Variants in ZNF251 observed in about 807,000 individuals in gnomAD.
ZNF251 encodes the protein zinc finger protein 251.
A neutral mutation model predicts 13.5 loss-of-function variants in ZNF251; 14 were observed. That is an observed-to-expected ratio of 1.04 (90% CI 0.69 to 1.63). The LOEUF is 1.63. ZNF251 is among the 40% of genes most tolerant of loss of function. The pLI is 0.00. For synonymous variants in ZNF251, 287 were observed against 295.2 expected, an observed-to-expected ratio of 0.97 and a Z score of 0.28; for missense variants, 764 against 834.9, an observed-to-expected ratio of 0.92 and a Z score of 1.05.
In ZNF251 at chr8:144,722,809, C is replaced by T. The variant is rs368556935; in HGVS notation, c.851G>A (p.Arg284Gln). The change falls in exon 5 of 5, where the codon CGG becomes CAG. Residue 284 changes from arginine (R) to glutamine (Q), a missense_variant. Arg to Gln is a conservative substitution (Grantham distance 43). Coordinates refer to ENST00000292562, the MANE Select transcript of ZNF251 (RefSeq NM_138367.2). The surrounding 1 kb of genome is among the most constrained non-coding windows in gnomAD (Gnocchi z 4.8). ...GGGTTTTTCTCCAGTGTGAATTCTCCGATGAAGACGGAGGTGAGAATTGAG... is the reference window on the plus strand; with the variant it reads ...GGGTTTTTCTCCAGTGTGAATTCTCTGATGAAGACGGAGGTGAGAATTGAG... ...FGLNSHLRLH[R>Q]RIHTGEKPFG... 22 of 1,613,896 alleles carry T rather than the reference C, an allele frequency of 1.4e-5. No individual in the cohort carries two copies. The highest frequency in any genetic ancestry group is 8.3e-5 in the Admixed American group (5 of 59,996).
Position 144,722,634 on chromosome 8 carries a change from A to C in ZNF251, c.1026T>G (p.Ile342Met). 2 of 1,614,178 alleles carry C rather than the reference A, an allele frequency of 1.2e-6. No individual in the cohort carries two copies. The highest frequency in any genetic ancestry group is 2.2e-5 in the South Asian group (2 of 91,084). ...QSPQLTQHQR[I>M]HTGEKPHECS... is the part of the protein sequence containing the mutation. The stretch of plus-strand genomic sequence containing the variant: ...ATTCATGCGGCTTCTCTCCAGTGTG[A>C]ATTCTCTGATGCTGAGTTAACTGGG... Residue 342 changes from isoleucine (I) to methionine (M), a missense_variant, in exon 5 of 5, where the codon ATT (isoleucine) becomes ATG (methionine). By Grantham distance (10) the Ile-to-Met change is conservative. Coordinates refer to ENST00000292562, the MANE Select transcript of ZNF251 (RefSeq NM_138367.2). This position sits in a 1 kb window ranked among gnomAD's most constrained non-coding sequence, Gnocchi z 4.8.
At position 144,722,554 on chromosome 8, in the gene ZNF251, C is replaced by G. The variant is rs1411122997; in HGVS notation, c.1106G>C (p.Arg369Thr). The G allele has an allele frequency of 6.2e-7, 1 of 1,613,942 alleles. No individual in the cohort carries two copies. The highest frequency in any genetic ancestry group is 1.3e-5 in the African/African-American group (1 of 74,882). Residue 369 changes from arginine to threonine, a missense_variant, in exon 5 of 5, where the codon AGA (arginine) becomes ACA (threonine). Arg to Thr is a moderately conservative substitution (Grantham distance 71). Coordinates refer to ENST00000292562, the MANE Select transcript of ZNF251 (RefSeq NM_138367.2). This position sits in a 1 kb window ranked among gnomAD's most constrained non-coding sequence, Gnocchi z 4.8. Reference sequence around the variant, plus strand: ...ATGGGGCTTCTCTCCAGTGTGAATTCTCTCATGCTGAATAAGGCTGGAGCT... The same window carrying G: ...ATGGGGCTTCTCTCCAGTGTGAATTGTCTCATGCTGAATAAGGCTGGAGCT... ...SRSSSLIQHE[R>T]IHTGEKPHKC... is the part of the protein sequence containing the mutation.
At chr8:144,745,245 G>A (rs1335274272) in intron 4 of ZNF251, among the ~76,000 whole-genome samples, 1 of 100,040 alleles carries the variant, frequency 1.0e-5, no homozygotes, top group Non-Finnish European at 2.0e-5. Flanking sequence ...ACCATTTCTT[G>A]AAAAGATCAT....
rs137887095 is a variant in ZNF251, at chr8:144,732,477, G to A, written c.278-9095C>T. ...TCTAGATAATTCAAAACCTATGCAC[G>A]ATTGACAGGTCATGGTAAAAAGACG... On this transcript the variant is annotated intron_variant, in intron 4 of 4. Transcript: ENST00000292562. 2.4e-3 allele frequency among the ~76,000 whole-genome samples: 362 copies of A among 152,258 alleles called. 2 individuals are homozygous for A. The highest frequency in any genetic ancestry group is 7.8e-3 in the African/African-American group (326 of 41,558).
At chr8:144,725,415 C>A (rs115072794) in intron 4 of ZNF251, among the ~76,000 whole-genome samples, 1 of 152,010 alleles carries the variant, frequency 6.6e-6, no homozygotes, top group African/African-American at 2.4e-5. Flanking sequence ...TTCAGGCTCC[C>A]GAGTAGCTGG....
chr8:144,725,979 T>C (rs1459414323), intron 4 of ZNF251, among the ~76,000 whole-genome samples: 1 of 151,840 alleles, frequency 6.6e-6, no homozygotes, highest in African/African-American at 2.4e-5. Flanking sequence ...GGTGGATCAC[T>C]TGAGGCCAGG....
Position 144,740,065 on chromosome 8 carries a change from C to G in ZNF251, c.277+13618G>C, listed in dbSNP as rs556618165. Among the ~76,000 whole-genome samples the G allele has an allele frequency of 2.3e-3, 349 of 151,928 alleles. 3 individuals carry two copies. Among genetic ancestry groups the G allele is most frequent in the African/African-American group, 7.9e-3 (329 of 41,410 alleles). ...CTTTGGGAGGCCGAGGCGGGCAGATCACCTGAGGTCCGGAGTTCGAGACCA... is the reference window on the plus strand; with the variant it reads ...CTTTGGGAGGCCGAGGCGGGCAGATGACCTGAGGTCCGGAGTTCGAGACCA... On this transcript the variant is annotated intron_variant, in intron 4 of 4. Transcript: ENST00000292562.
chr8:144,746,104 G>A (rs1221172763), intron 4 of ZNF251, among the ~76,000 whole-genome samples: 2 of 152,198 alleles, frequency 1.3e-5, no homozygotes, highest in Admixed American at 6.5e-5. Context: ...TTCGTTGCCA[G>A]TATAAAGGAA....
chr8:144,726,302 G>C (rs763201951), intron 4 of ZNF251, among the ~76,000 whole-genome samples: 1 of 152,018 alleles, frequency 6.6e-6, no homozygotes, highest in Non-Finnish European at 1.5e-5. Context: ...GGGAGGCAGA[G>C]GTGGGCAGAT....
chr8:144,721,164 C>T lies in ZNF251; in HGVS notation c.*480G>A, dbSNP rs953111170. On this transcript the variant is annotated 3_prime_UTR_variant, in exon 5 of 5. Transcript: ENST00000292562. The stretch of plus-strand genomic sequence containing the variant: ...AAGGAAGAAACGTCTACCTGCAGTT[C>T]ATCTGGGGGTTGGTGGGAGAGGTGG... 11 of 173,906 alleles carry T rather than the reference C, an allele frequency of 6.3e-5. No individual in the cohort carries two copies. The East Asian group carries it at 1.7e-3, about 27-fold the overall frequency. The allele number at this position is 173,906 out of a possible 1,614,324, so 10.8% of individuals were successfully genotyped here.
chr8:144,730,832 A>G (rs1295225129), intron 4 of ZNF251, among the ~76,000 whole-genome samples: 2 of 152,224 alleles, frequency 1.3e-5, no homozygotes, highest in Non-Finnish European at 2.9e-5. Flanking sequence ...TGTGCTCACC[A>G]CTGCCCCTTC....
intron 4 of ZNF251, chr8:144,730,043 GCTCA>G: frequency 6.1e-6 from 6 of 985,446 alleles, no homozygotes; most frequent in Non-Finnish European, 6.0e-6. Context: ...ACTCGAGGCC[GCTCA>G]CTCACTGTGC....
intron 4 of ZNF251, among the ~76,000 whole-genome samples, chr8:144,731,092 CATG>C (rs1223537766): frequency 6.6e-6 from 1 of 152,192 alleles, no homozygotes; most frequent in Non-Finnish European, 1.5e-5. Context: ...GAGGAAGCCC[CATG>C]ATGTTAGGGT....
At chr8:144,723,696 T>C (rs1030884593) in intron 4 of ZNF251, among the ~76,000 whole-genome samples, 7 of 152,194 alleles carry the variant, frequency 4.6e-5, no homozygotes, top group African/African-American at 1.4e-4. Context: ...AAGGTAAATA[T>C]AGTCTCTGAT....
At chr8:144,751,009 C>G (rs1182826743) in intron 4 of ZNF251, among the ~76,000 whole-genome samples, 1 of 152,000 alleles carries the variant, frequency 6.6e-6, no homozygotes, top group Non-Finnish European at 1.5e-5. Context: ...ACCACCACGC[C>G]CAGCTAATTT....
intron 4 of ZNF251, among the ~76,000 whole-genome samples, chr8:144,725,405 T>G (rs1460821343): frequency 6.6e-6 from 1 of 151,404 alleles, no homozygotes; most frequent in Non-Finnish European, 1.5e-5. Flanking sequence ...CTCCTCCCAC[T>G]TCAGGCTCCC....
rs28633146 is a variant in ZNF251 at position 144,737,893 on chromosome 8, G to T, written c.278-14511C>A. Among the ~76,000 whole-genome samples the T allele has an allele frequency of 6.1e-3, 906 of 149,190 alleles. 10 individuals are homozygous for T. Among genetic ancestry groups the T allele is most frequent in the African/African-American group, 0.022 (867 of 40,314 alleles). On this transcript the variant is annotated intron_variant, in intron 4 of 4. Transcript: ENST00000292562. The stretch of plus-strand genomic sequence containing the variant: ...ATGCTATCACCCCACATAAAATACA[G>T]GGGCCGGTGCCTTCAGTAAAATTCT...
At chr8:144,751,226 T>C (rs1402503956) in intron 4 of ZNF251, among the ~76,000 whole-genome samples, 1 of 152,212 alleles carries the variant, frequency 6.6e-6, no homozygotes, top group Non-Finnish European at 1.5e-5. Flanking sequence ...TTGTTGATTT[T>C]TCAGTTTGTT....
intron 3 of ZNF251, 31 bp downstream of exon 3, chr8:144,754,161 T>G (rs1824838109): frequency 1.3e-6 from 2 of 1,599,864 alleles, no homozygotes; most frequent in Non-Finnish European, 1.7e-6. Context: ...AGGCCCCCAC[T>G]GCGAACCAGG....
Sources: allele counts gnomAD v4.1 joint callset (sites outside exome capture counted in the v4.1 genomes callset), GRCh38; gene constraint gnomAD v4.1.1; non-coding constraint Gnocchi (gnomAD v3.1); transcripts MANE v1.5; gene names NCBI Gene and HGNC (gene_info 2026-07-23, HGNC 2026-07-21).